Variants in ZMYND8 observed in about 807,000 individuals in gnomAD.
ZMYND8 encodes zinc finger MYND-type containing 8.
A neutral mutation model predicts 140.8 loss-of-function variants in ZMYND8; 37 were observed. That is an observed-to-expected ratio of 0.26 (90% CI 0.20 to 0.35). ZMYND8 has a LOEUF of 0.35. ZMYND8 is among the 10% of genes least tolerant of loss of function. ZMYND8 has a pLI of 1.00. For missense variants in ZMYND8, 1,068 were observed against 1,570.0 expected (o/e 0.68, Z 5.40); for synonymous variants, 592 against 597.1 (o/e 0.99, Z 0.12).
At chr20:47,342,398 T>G (rs930760107) in intron 2 of ZMYND8, among the ~76,000 whole-genome samples, 2 of 146,860 alleles carry the variant, frequency 1.4e-5, no homozygotes, top group African/African-American at 5.0e-5. Context: ...TACAAAAAAA[T>G]TAGCCAGGCG....
intron 13 of ZMYND8, among the ~76,000 whole-genome samples, chr20:47,248,038 C>T (rs2040771001): frequency 6.6e-6 from 1 of 152,192 alleles, no homozygotes; most frequent in African/African-American, 2.4e-5. Context: ...AAAGTGTAAG[C>T]ACATATGTGA....
chr20:47,313,176 A>G (rs2079075397), intron 2 of ZMYND8, among the ~76,000 whole-genome samples: 1 of 151,564 alleles, frequency 6.6e-6, no homozygotes, highest in African/African-American at 2.4e-5. Flanking sequence ...GGTATTGTGA[A>G]CTATGATCAC....
chr20:47,302,258 T>C (rs1168729232), intron 3 of ZMYND8, among the ~76,000 whole-genome samples: 1 of 152,168 alleles, frequency 6.6e-6, no homozygotes, highest in East Asian at 1.9e-4. Context: ...GTGGATCACC[T>C]GAGATCAGGA....
chr20:47,333,009 C>T (rs1311599298), intron 2 of ZMYND8, among the ~76,000 whole-genome samples: 1 of 152,124 alleles, frequency 6.6e-6, no homozygotes, highest in African/African-American at 2.4e-5. Context: ...CCTCAACTCA[C>T]GATGGAGTTA....
At chr20:47,350,078 G>GA (rs2082647110) in intron 1 of ZMYND8, 32 of 1,362,378 alleles carry the variant, frequency 2.3e-5, no homozygotes, top group Admixed American at 1.0e-4. Context: ...AAGAGAGAGG[G>GA]AAAAAAAAGT....
chr20:47,245,991 C>T lies in ZMYND8; in HGVS notation c.2284+17G>A. 1 of 1,555,052 alleles carries T rather than the reference C, an allele frequency of 6.4e-7. No homozygotes were observed. The highest frequency in any genetic ancestry group is 1.2e-5 in the South Asian group (1 of 80,220). ...TAAACCAAATTAAGAAAACTGGAAACAGATACAATCACTTACCATCCTGTT... is the reference window on the plus strand; with the variant it reads ...TAAACCAAATTAAGAAAACTGGAAATAGATACAATCACTTACCATCCTGTT... On this transcript the variant is annotated intron_variant, in intron 14 of 22. Transcript: ENST00000471951.
chr20:47,262,614 T>C (rs948621046), intron 11 of ZMYND8, among the ~76,000 whole-genome samples, 186 bp from the exon 12 acceptor site: 1 of 152,172 alleles, frequency 6.6e-6, no homozygotes, highest in African/African-American at 2.4e-5. Context: ...CAAAGGGCTT[T>C]AACCGGATGT....
At chr20:47,254,913 G>A (rs940967317) in intron 12 of ZMYND8, among the ~76,000 whole-genome samples, 7 of 152,070 alleles carry the variant, frequency 4.6e-5, no homozygotes, top group African/African-American at 1.7e-4. Flanking sequence ...GATCACTCGA[G>A]GTCAGGAGTT....
intron 7 of ZMYND8, 21 bp from the exon 8 acceptor site, chr20:47,287,305 G>A: frequency 6.2e-7 from 1 of 1,603,558 alleles, no homozygotes; most frequent in Non-Finnish European, 8.5e-7. Flanking sequence ...AAGAAAACAG[G>A]ATTAATTCTA....
intron 3 of ZMYND8, among the ~76,000 whole-genome samples, chr20:47,305,228 A>G (rs1294660113): frequency 2.0e-5 from 3 of 149,920 alleles, no homozygotes; most frequent in Admixed American, 6.7e-5. Flanking sequence ...TGGACAACAG[A>G]GCAAAGCCCT....
intron 2 of ZMYND8, among the ~76,000 whole-genome samples, chr20:47,327,457 C>A (rs1164378006): frequency 6.6e-6 from 1 of 151,872 alleles, no homozygotes; most frequent in Admixed American, 6.6e-5. Context: ...GGTTTCAGAG[C>A]AGCCTGGCCA....
At chr20:47,221,538 A>G in intron 19 of ZMYND8, 64 bp from the exon 20 acceptor site, 1 of 1,556,444 alleles carries the variant, frequency 6.4e-7, no homozygotes. Context: ...TGAAACATGC[A>G]TGGAGCCCCG....
At chr20:47,250,301 A>C (rs2147341729) in intron 12 of ZMYND8, among the ~76,000 whole-genome samples, 1 of 152,220 alleles carries the variant, frequency 6.6e-6, no homozygotes, top group East Asian at 1.9e-4. Context: ...TAAGAGTTTC[A>C]GTGGCTGCAA....
chr20:47,354,253 C>A (rs1215903619), intron 1 of ZMYND8: 2 of 152,094 alleles, frequency 1.3e-5, no homozygotes, highest in Non-Finnish European at 2.9e-5. Context: ...CCTGTGGGAG[C>A]CATTTTAATG....
chr20:47,300,427 G>A (rs141928622), intron 3 of ZMYND8, among the ~76,000 whole-genome samples: 8 of 152,190 alleles, frequency 5.3e-5, no homozygotes, highest in East Asian at 3.9e-4. Context: ...TATCTTCTAC[G>A]TTGGTGAGAT....
At chr20:47,306,481 G>A (rs1269250351) in intron 3 of ZMYND8, among the ~76,000 whole-genome samples, 1 of 151,896 alleles carries the variant, frequency 6.6e-6, no homozygotes, top group Non-Finnish European at 1.5e-5. Flanking sequence ...ATGATAAATG[G>A]GTGGAATAGG....
At chr20:47,277,599 G>C (rs2076330283) in intron 10 of ZMYND8, among the ~76,000 whole-genome samples, 1 of 152,166 alleles carries the variant, frequency 6.6e-6, no homozygotes, top group South Asian at 2.1e-4. Flanking sequence ...GCGAGAATAA[G>C]CTTTCCAAGG....
intron 2 of ZMYND8, among the ~76,000 whole-genome samples, chr20:47,347,547 A>G (rs1053849905): frequency 6.6e-6 from 1 of 152,202 alleles, no homozygotes; most frequent in Admixed American, 6.5e-5. Flanking sequence ...GGTGGCTTCC[A>G]GAACATGCTT....
chr20:47,245,579 C>G (rs2040470215), intron 14 of ZMYND8, among the ~76,000 whole-genome samples: 1 of 152,148 alleles, frequency 6.6e-6, no homozygotes, highest in Admixed American at 6.5e-5. Flanking sequence ...TGAGACTTGT[C>G]AAAAGAGAAT....
Sources: gnomAD v4.1 joint callset for allele counts (sites outside exome capture counted in the v4.1 genomes callset) on GRCh38, gnomAD v4.1.1 for gene constraint, MANE v1.5 for transcripts, NCBI Gene and HGNC (gene_info 2026-07-23, HGNC 2026-07-21) for gene names.